COL19A1: variants seen among roughly 807,000 people sequenced by gnomAD.
COL19A1 encodes collagen alpha-1(XIX) chain.
A neutral mutation model predicts 190.2 loss-of-function variants in COL19A1; 159 were observed. The ratio of observed to expected loss-of-function variants is 0.84; its 90% CI spans 0.73 to 0.95. The LOEUF is 0.95. COL19A1 is among the 40% of genes least tolerant of loss of function. COL19A1 has a pLI of 0.00. For synonymous variants in COL19A1, 509 were observed against 458.9 expected, an observed-to-expected ratio of 1.11 and a Z score of -1.39; for missense variants, 1,418 against 1,431.9, an observed-to-expected ratio of 0.99 and a Z score of 0.16.
At chr6:69,867,098 T>TC (rs1424240969) in intron 1 of COL19A1, among the ~76,000 whole-genome samples, 2 of 151,280 alleles carry the variant, frequency 1.3e-5, no homozygotes, top group African/African-American at 4.8e-5. Flanking sequence ...GAGCGCTTTT[T>TC]TTTTTTTTTT....
chr6:70,080,377 A>T (rs1782175652), intron 15 of COL19A1, among the ~76,000 whole-genome samples: 1 of 152,160 alleles, frequency 6.6e-6, no homozygotes, highest in Admixed American at 6.6e-5. Flanking sequence ...TATTATTGCA[A>T]TTTCAGTTTA....
intron 11 of COL19A1, among the ~76,000 whole-genome samples, chr6:70,016,376 A>T: frequency 7.7e-6 from 1 of 129,648 alleles, no homozygotes; most frequent in Non-Finnish European, 1.6e-5. Flanking sequence ...TAAAAAAAAA[A>T]AAAAAAAACA....
chr6:70,152,667 GA>G (rs1787140908), intron 31 of COL19A1, among the ~76,000 whole-genome samples: 1 of 151,982 alleles, frequency 6.6e-6, no homozygotes, highest in South Asian at 2.1e-4. Context: ...CTATAGATGA[GA>G]GACCAGAAGT....
intron 14 of COL19A1, among the ~76,000 whole-genome samples, chr6:70,051,322 T>C (rs989128275): frequency 4.6e-5 from 7 of 152,104 alleles, no homozygotes; most frequent in African/African-American, 7.2e-5. Flanking sequence ...ACTTGAATAA[T>C]AACAACTTAG....
chr6:70,173,465 A>G (rs1012924400), intron 41 of COL19A1, among the ~76,000 whole-genome samples: 23 of 152,178 alleles, frequency 1.5e-4, no homozygotes, highest in Non-Finnish European at 1.5e-5. Flanking sequence ...TAGGAGGAAA[A>G]CTTGGTATCC....
At chr6:69,911,208 C>A (rs145387423) in intron 4 of COL19A1, among the ~76,000 whole-genome samples, 22 of 152,264 alleles carry the variant, frequency 1.4e-4, no homozygotes, top group African/African-American at 5.1e-4. Flanking sequence ...ATTGTGCCAA[C>A]TGATAAATCA....
chr6:70,211,844 A>G lies in COL19A1; in HGVS notation c.*4570A>G, dbSNP rs1234114674. 6.6e-6 allele frequency among the ~76,000 whole-genome samples: 1 copy of G among 152,122 alleles called. No homozygotes were observed. Among genetic ancestry groups the G allele is most frequent in the East Asian group, 1.9e-4 (1 of 5,202 alleles). ...TTATTCGGACAAGTAGACCCAGCACAGCAAAAATTTGTCTGAAAGATAAGA... is the reference window on the plus strand; with the variant it reads ...TTATTCGGACAAGTAGACCCAGCACGGCAAAAATTTGTCTGAAAGATAAGA... On this transcript the variant is annotated 3_prime_UTR_variant, in exon 51 of 51. Coordinates refer to ENST00000620364, the MANE Select transcript of COL19A1 (RefSeq NM_001858.6).
At chr6:70,048,158 G>C (rs947057786) in intron 14 of COL19A1, among the ~76,000 whole-genome samples, 1 of 152,058 alleles carries the variant, frequency 6.6e-6, no homozygotes. Context: ...CGCACAGAGA[G>C]GGTGCATAGC....
At chr6:70,051,094 C>G (rs1780176428) in intron 14 of COL19A1, among the ~76,000 whole-genome samples, 1 of 151,984 alleles carries the variant, frequency 6.6e-6, no homozygotes, top group African/African-American at 2.4e-5. Context: ...TCTCTTTTAC[C>G]TTTCCTAAGG....
In COL19A1 at chr6:69,921,016, T is replaced by TATATATATTCATATATATATC. The variant is rs372184472; in HGVS notation, c.267-6875_267-6874insATCATATATATTCATATATAT. On this transcript the variant is annotated intron_variant, in intron 4 of 50. Coordinates refer to ENST00000620364, the MANE Select transcript of COL19A1 (RefSeq NM_001858.6). ...TTCATATATATATCATATATATTCA[T>TATATATATTCATATATATATC]ATATATATTCATATATATCATATAT... Among the ~76,000 whole-genome samples the TATATATATTCATATATATATC allele has an allele frequency of 0.013, 6 of 446 alleles. No individual in the cohort carries two copies. In the East Asian group the frequency reaches 0.28, roughly 21 times the overall value. 0.3% of individuals were successfully genotyped at this position (446 alleles called of 152,430 possible).
intron 15 of COL19A1, among the ~76,000 whole-genome samples, chr6:70,085,125 A>G (rs1321478977): frequency 2.0e-5 from 3 of 152,230 alleles, no homozygotes; most frequent in African/African-American, 7.2e-5. Flanking sequence ...TTAATTTCTA[A>G]GTATTTGAAC....
intron 14 of COL19A1, among the ~76,000 whole-genome samples, chr6:70,045,184 A>C (rs1440983493): frequency 6.6e-6 from 1 of 151,930 alleles, no homozygotes; most frequent in Non-Finnish European, 1.5e-5. Flanking sequence ...ATGGTGGTGC[A>C]TGCCTGTAAC....
intron 11 of COL19A1, among the ~76,000 whole-genome samples, chr6:69,990,354 T>G (rs1776550388): frequency 6.6e-6 from 1 of 152,098 alleles, no homozygotes; most frequent in African/African-American, 2.4e-5. Flanking sequence ...CACTTAAAAT[T>G]TTTAAACATA....
intron 7 of COL19A1, 81 bp downstream of exon 7, chr6:69,932,944 G>T: frequency 1.1e-6 from 1 of 883,248 alleles, no homozygotes; most frequent in South Asian, 1.7e-5. Context: ...TCCAAATGTA[G>T]GGTAGCACTG....
chr6:69,985,661 A>T (rs957243106), intron 11 of COL19A1, among the ~76,000 whole-genome samples: 1 of 152,088 alleles, frequency 6.6e-6, no homozygotes, highest in Non-Finnish European at 1.5e-5. Context: ...AATTCCTTAA[A>T]CTTCTATTTC....
chr6:70,173,459 A>G (rs1369930687), intron 41 of COL19A1, among the ~76,000 whole-genome samples: 1 of 152,210 alleles, frequency 6.6e-6, no homozygotes, highest in Non-Finnish European at 1.5e-5. Context: ...GCGAGGTAGG[A>G]GGAAAACTTG....
intron 17 of COL19A1, among the ~76,000 whole-genome samples, chr6:70,127,899 G>A (rs1373173281): frequency 1.3e-5 from 2 of 152,114 alleles, no homozygotes; most frequent in Admixed American, 6.5e-5. Flanking sequence ...GAATCAAGTG[G>A]TATTGAGAAT....
At chr6:70,183,968 A>G (rs1312570395) in intron 44 of COL19A1, among the ~76,000 whole-genome samples, 1 of 152,174 alleles carries the variant, frequency 6.6e-6, no homozygotes, top group Non-Finnish European at 1.5e-5. Flanking sequence ...TATATCTCCC[A>G]GCCAATAGTT....
chr6:70,195,135 T>TTATATA (rs1583143242), intron 48 of COL19A1, among the ~76,000 whole-genome samples: 1 of 114,002 alleles, frequency 8.8e-6, no homozygotes, highest in Non-Finnish European at 1.7e-5. Flanking sequence ...ACATCATTGA[T>TTATATA]GATATATATA....
Sources: gnomAD v4.1 joint callset for allele counts (sites outside exome capture counted in the v4.1 genomes callset) on GRCh38, gnomAD v4.1.1 for gene constraint, MANE v1.5 for transcripts, NCBI Gene and HGNC (gene_info 2026-07-23, HGNC 2026-07-21) for gene names.